The following PDE11A variants were observed in gnomAD, a reference collection of about 807,000 sequenced individuals.
The protein encoded by PDE11A is phosphodiesterase 11A.
Under a neutral mutation model 100.5 loss-of-function variants are expected in PDE11A, and 100 were observed. That is an observed-to-expected ratio of 1.00 (90% CI 0.85 to 1.18). The LOEUF (loss-of-function observed/expected upper bound fraction) is 1.18, where lower values mean the gene tolerates loss of function less well. PDE11A is among the 50% of genes most tolerant of loss of function. The pLI is 0.00. For synonymous variants in PDE11A, 381 were observed against 420.8 expected (o/e 0.91, Z 1.16); for missense variants, 1,141 against 1,152.6 (o/e 0.99, Z 0.15).
At chr2:177,822,757 C>T (rs1167706186) in intron 6 of PDE11A, among the ~76,000 whole-genome samples, 1 of 152,038 alleles carries the variant, frequency 6.6e-6, no homozygotes, top group Non-Finnish European at 1.5e-5. Context: ...TAAAATTTCT[C>T]TTAGCAAAGT....
intron 1 of PDE11A, among the ~76,000 whole-genome samples, chr2:178,042,906 A>G (rs7608073): frequency 0.32 from 48,088 of 152,056 alleles, 7,833 homozygotes; most frequent in African/African-American, 0.37. Context: ...TTAACCTCAC[A>G]TTAAATCATT....
chr2:177,801,065 AAG>A (rs1164867606), intron 9 of PDE11A, among the ~76,000 whole-genome samples: 5 of 152,234 alleles, frequency 3.3e-5, no homozygotes, highest in African/African-American at 9.6e-5. Context: ...TACAAGAAGA[AAG>A]AGCATCATTG....
At chr2:177,911,454 A>G (rs10497484) in intron 2 of PDE11A, among the ~76,000 whole-genome samples, 6,958 of 152,334 alleles carry the variant, frequency 0.046, 223 homozygotes, top group Admixed American at 0.097. Flanking sequence ...TAAGAATCAG[A>G]ATCATAAATG....
At chr2:177,943,363 T>A (rs1234142068) in intron 2 of PDE11A, among the ~76,000 whole-genome samples, 1 of 152,120 alleles carries the variant, frequency 6.6e-6, no homozygotes, top group Non-Finnish European at 1.5e-5. Context: ...TCCAAATTTC[T>A]CCATATCCCT....
intron 6 of PDE11A, among the ~76,000 whole-genome samples, chr2:177,835,217 C>T (rs1054356486): frequency 6.6e-6 from 1 of 152,170 alleles, no homozygotes; most frequent in Non-Finnish European, 1.5e-5. Context: ...GCCTCATGTA[C>T]CCCATATTTG....
At position 177,998,739 on chromosome 2, in the gene PDE11A, T is replaced by C. The variant is rs16865993; in HGVS notation, c.1071+15563A>G. On this transcript the variant is annotated intron_variant, in intron 2 of 19. Transcript: ENST00000286063. ...CTCCGTGGTATCGGCCATGATGCCA[T>C]AGTTGCCGTAAAGCTCCTCTACCAT... 1.1e-3 allele frequency: 1,015 copies of C among 888,664 alleles called. 3 individuals are homozygous for C. The African/African-American group carries it at 0.012, about 10-fold the overall frequency. The allele number at this position is 888,664 out of a possible 1,614,324, so 55.0% of individuals were successfully genotyped here.
At chr2:177,738,043 T>C (rs779357847) in intron 10 of PDE11A, among the ~76,000 whole-genome samples, 43 of 152,212 alleles carry the variant, frequency 2.8e-4, no homozygotes, top group Non-Finnish European at 4.9e-4. Context: ...CCCTGGTGAT[T>C]ACCTCACACT....
chr2:177,906,285 G>A (rs1450038605), intron 2 of PDE11A, among the ~76,000 whole-genome samples: 1 of 152,134 alleles, frequency 6.6e-6, no homozygotes, highest in Non-Finnish European at 1.5e-5. Context: ...GCAGTGCAGT[G>A]CCCGCTGTGG....
chr2:177,675,224 TAC>T (rs1165762005), intron 17 of PDE11A, among the ~76,000 whole-genome samples: 3 of 149,492 alleles, frequency 2.0e-5, no homozygotes, highest in Non-Finnish European at 3.0e-5. Context: ...AAAAATATCT[TAC>T]AGAGTCAGAA....
At chr2:177,660,112 T>TC (rs2080461774) in intron 19 of PDE11A, among the ~76,000 whole-genome samples, 3 of 94,240 alleles carry the variant, frequency 3.2e-5, no homozygotes, top group African/African-American at 1.1e-4. Flanking sequence ...TCTCTCTCTC[T>TC]TTCTTTCTTT....
chr2:177,757,067 T>C (rs1482599107), intron 10 of PDE11A, among the ~76,000 whole-genome samples: 1 of 152,218 alleles, frequency 6.6e-6, no homozygotes, highest in Non-Finnish European at 1.5e-5. Flanking sequence ...TCTCAATTTC[T>C]TAATGTGTGC....
At chr2:178,065,613 T>C (rs537587561) in intron 1 of PDE11A, among the ~76,000 whole-genome samples, 2 of 152,258 alleles carry the variant, frequency 1.3e-5, no homozygotes, top group African/African-American at 4.8e-5. Context: ...TCAACTCTGG[T>C]TCTGGGCTAG....
intron 2 of PDE11A, among the ~76,000 whole-genome samples, chr2:177,927,183 A>G (rs961415884): frequency 1.3e-5 from 2 of 152,212 alleles, no homozygotes; most frequent in Non-Finnish European, 2.9e-5. Context: ...TCTTCCTTTC[A>G]ATCATTAATT....
chr2:178,013,434 G>C (rs944263935), intron 2 of PDE11A, among the ~76,000 whole-genome samples: 3 of 152,180 alleles, frequency 2.0e-5, no homozygotes, highest in Admixed American at 1.3e-4. Flanking sequence ...AAACCTTCTT[G>C]TTTCCTTACA....
chr2:178,085,233 C>T (rs533951689), intron 2 of PDE11A, among the ~76,000 whole-genome samples: 1 of 152,108 alleles, frequency 6.6e-6, no homozygotes, highest in South Asian at 2.1e-4. Context: ...ATATTCAATA[C>T]CTGACAGAGA....
At chr2:178,067,764 C>A (rs940896579) in intron 1 of PDE11A, among the ~76,000 whole-genome samples, 6 of 152,108 alleles carry the variant, frequency 3.9e-5, no homozygotes, top group South Asian at 2.1e-4. Flanking sequence ...GCATATCCTG[C>A]CCTTTGTACA....
At chr2:177,935,523 A>G (rs1353525465) in intron 2 of PDE11A, among the ~76,000 whole-genome samples, 1 of 152,184 alleles carries the variant, frequency 6.6e-6, no homozygotes, top group African/African-American at 2.4e-5. Context: ...ATTTGTTCTG[A>G]GGCATGACAC....
At chr2:177,912,896 T>C (rs1409189928) in intron 2 of PDE11A, among the ~76,000 whole-genome samples, 2 of 152,178 alleles carry the variant, frequency 1.3e-5, no homozygotes, top group Admixed American at 6.5e-5. Context: ...AAATATCCCA[T>C]TGTATGGTGC....
At chr2:177,928,133 A>C (rs1453846431) in intron 2 of PDE11A, among the ~76,000 whole-genome samples, 3 of 149,632 alleles carry the variant, frequency 2.0e-5, no homozygotes, top group Non-Finnish European at 4.5e-5. Context: ...AAAAGCCATG[A>C]GATAGAGGAA....
Sources: gnomAD v4.1 joint callset for allele counts (sites outside exome capture counted in the v4.1 genomes callset) on GRCh38, gnomAD v4.1.1 for gene constraint, MANE v1.5 for transcripts, NCBI Gene and HGNC (gene_info 2026-07-23, HGNC 2026-07-21) for gene names.